ZDHHC17: variants seen among roughly 807,000 people sequenced by gnomAD.
The protein encoded by ZDHHC17 is zDHHC palmitoyltransferase 17, also known as palmitoyltransferase ZDHHC17.
ZDHHC17 carries 40 observed loss-of-function variants against 90.3 expected under a neutral mutation model. The observed-to-expected ratio is 0.44, with a 90% CI of 0.34 to 0.58. The LOEUF is 0.58. Ranked by LOEUF, ZDHHC17 falls within the 20% of genes least tolerant of loss-of-function variation. The probability of loss-of-function intolerance (pLI) is 0.01; values close to 1 mark genes in which losing one functional copy is unlikely to be tolerated. For missense variants in ZDHHC17, 614 were observed against 780.8 expected, an observed-to-expected ratio of 0.79 and a Z score of 2.55; for synonymous variants, 235 against 252.4, an observed-to-expected ratio of 0.93 and a Z score of 0.65.
intron 7 of ZDHHC17, 33 bp downstream of exon 7, chr12:76,816,052 A>G: frequency 7.1e-7 from 1 of 1,398,920 alleles, no homozygotes; most frequent in Non-Finnish European, 9.4e-7. Context: ...ATACTGTATG[A>G]AATGTGGCTA....
At chr12:76,848,095 A>C in intron 14 of ZDHHC17, 138 bp from the exon 15 acceptor site, 1 of 812,518 alleles carries the variant, frequency 1.2e-6, no homozygotes, top group South Asian at 2.0e-5. Flanking sequence ...TTAAGAGTAT[A>C]AAGACATTTG....
chr12:76,811,500 G>A (rs371822904), intron 5 of ZDHHC17, among the ~76,000 whole-genome samples: 2 of 151,670 alleles, frequency 1.3e-5, no homozygotes, highest in Admixed American at 6.6e-5. Context: ...TTAACCTCTG[G>A]TATAGTATAT....
rs556103416 is a variant in ZDHHC17, at chr12:76,852,791, A to G, written c.*1806A>G. 2 of 152,612 alleles carry G rather than the reference A, an allele frequency of 1.3e-5. No individual in the cohort carries two copies. Among genetic ancestry groups the G allele is most frequent in the Non-Finnish European group, 2.9e-5 (2 of 68,016 alleles). 9.5% of individuals were successfully genotyped at this position (152,612 alleles called of 1,614,324 possible). On this transcript the variant is annotated 3_prime_UTR_variant, in exon 17 of 17. Transcript: ENST00000426126. ...TATGTACTTTATTTTTGAAAAGGGAAGAGATGGGTGTGGGGTGGCAATAGC... is the reference window on the plus strand; with the variant it reads ...TATGTACTTTATTTTTGAAAAGGGAGGAGATGGGTGTGGGGTGGCAATAGC...
intron 11 of ZDHHC17, among the ~76,000 whole-genome samples, chr12:76,842,335 T>A (rs554545264): frequency 1.3e-5 from 2 of 152,346 alleles, no homozygotes; most frequent in East Asian, 3.9e-4. Flanking sequence ...CTTACAAGAC[T>A]GCTGTGATTG....
chr12:76,779,846 A>T (rs1432089229), intron 1 of ZDHHC17, among the ~76,000 whole-genome samples: 1 of 151,930 alleles, frequency 6.6e-6, no homozygotes, highest in East Asian at 1.9e-4. Flanking sequence ...TTTTGTATAA[A>T]GTGTGAAAGT....
chr12:76,842,196 G>T, intron 11 of ZDHHC17, 90 bp downstream of exon 11: 3 of 1,291,954 alleles, frequency 2.3e-6, no homozygotes, highest in Non-Finnish European at 3.0e-6. Context: ...ATTAACTATC[G>T]TTTAGAATGT....
chr12:76,779,497 A>G (rs1034204244), intron 1 of ZDHHC17, among the ~76,000 whole-genome samples: 1 of 152,092 alleles, frequency 6.6e-6, no homozygotes, highest in Non-Finnish European at 1.5e-5. Context: ...TGAGATTACT[A>G]TCTCACTAGA....
At chr12:76,846,514 C>T (rs1953496852) in intron 13 of ZDHHC17, 82 bp from the exon 14 acceptor site, 3 of 1,005,332 alleles carry the variant, frequency 3.0e-6, no homozygotes, top group Non-Finnish European at 4.5e-6. Context: ...TGTAGCACAC[C>T]TTTCATGGCA....
intron 1 of ZDHHC17, among the ~76,000 whole-genome samples, chr12:76,779,861 G>A (rs1952602433): frequency 1.3e-5 from 2 of 151,368 alleles, no homozygotes; most frequent in African/African-American, 2.4e-5. Context: ...GAAAGTTAAG[G>A]TTGAGCTTCT....
At chr12:76,781,587 T>G (rs1435895483) in intron 1 of ZDHHC17, 1 of 455,376 alleles carries the variant, frequency 2.2e-6, no homozygotes, top group Admixed American at 2.4e-5. Context: ...TGTCTCATGC[T>G]GTCTTGCCCT....
At position 76,850,839 on chromosome 12, in the gene ZDHHC17, G is replaced by A. The variant is rs755980091; in HGVS notation, c.1761-8G>A. 1 of 1,612,516 alleles carries A rather than the reference G, an allele frequency of 6.2e-7. No homozygotes were observed. Among genetic ancestry groups the A allele is most frequent in the Admixed American group, 1.7e-5 (1 of 59,624 alleles). On this transcript the variant is annotated splice_region_variant and splice_polypyrimidine_tract_variant and intron_variant, in intron 16 of 16. Transcript: ENST00000426126. ...TGACGTGTTTTCTTTTTGGGGTGCTGTTTTTAGCCATGGATGTGTAAGAAA... is the reference window on the plus strand; with the variant it reads ...TGACGTGTTTTCTTTTTGGGGTGCTATTTTTAGCCATGGATGTGTAAGAAA...
chr12:76,800,624 T>G (rs1952874458), intron 2 of ZDHHC17, among the ~76,000 whole-genome samples: 1 of 152,240 alleles, frequency 6.6e-6, no homozygotes, highest in Non-Finnish European at 1.5e-5. Flanking sequence ...GTAACCATTC[T>G]TGATTTAAAG....
At chr12:76,787,930 G>C (rs749520383) in intron 1 of ZDHHC17, among the ~76,000 whole-genome samples, 1 of 152,132 alleles carries the variant, frequency 6.6e-6, no homozygotes, top group African/African-American at 2.4e-5. Flanking sequence ...CAGTGGCTTA[G>C]CTGAGTGTGG....
intron 4 of ZDHHC17, among the ~76,000 whole-genome samples, chr12:76,809,393 A>G (rs917136042): frequency 2.0e-5 from 3 of 152,086 alleles, no homozygotes; most frequent in Non-Finnish European, 2.9e-5. Flanking sequence ...TGCAGCCTGT[A>G]TATATTTACA....
At chr12:76,792,185 C>T (rs1952766617) in intron 1 of ZDHHC17, among the ~76,000 whole-genome samples, 1 of 152,108 alleles carries the variant, frequency 6.6e-6, no homozygotes. Context: ...CACTCCAGGT[C>T]ACTTCATTGG....
At chr12:76,779,609 G>A (rs1952600354) in intron 1 of ZDHHC17, among the ~76,000 whole-genome samples, 1 of 152,128 alleles carries the variant, frequency 6.6e-6, no homozygotes, top group Non-Finnish European at 1.5e-5. Flanking sequence ...ATGAGATTTG[G>A]GTGGGGACAC....
intron 1 of ZDHHC17, among the ~76,000 whole-genome samples, chr12:76,774,826 A>G (rs1174668959): frequency 4.6e-5 from 7 of 152,096 alleles, no homozygotes; most frequent in Admixed American, 3.9e-4. Context: ...TGAAATTGGG[A>G]TTTGTGACTT....
intron 7 of ZDHHC17, among the ~76,000 whole-genome samples, chr12:76,817,673 A>G (rs137896237): frequency 5.9e-5 from 9 of 152,210 alleles, no homozygotes; most frequent in East Asian, 5.8e-4. Context: ...TTTAAATTCA[A>G]TGTCTTTTCA....
intron 10 of ZDHHC17, among the ~76,000 whole-genome samples, chr12:76,833,355 TA>T (rs748995390): frequency 5.9e-4 from 90 of 152,168 alleles, no homozygotes; most frequent in Non-Finnish European, 1.0e-3. Context: ...GGTGGGAAAT[TA>T]TTAAGAGTTT....
Sources: gnomAD v4.1 joint callset for allele counts (sites outside exome capture counted in the v4.1 genomes callset) on GRCh38, gnomAD v4.1.1 for gene constraint, MANE v1.5 for transcripts, NCBI Gene and HGNC (gene_info 2026-07-23, HGNC 2026-07-21) for gene names.